Variants in CNTN3 observed in about 807,000 individuals in gnomAD.
CNTN3 encodes the protein contactin-3.
CNTN3 carries 60 observed loss-of-function variants against 119.1 expected under a neutral mutation model. That is an observed-to-expected ratio of 0.50 (90% CI 0.41 to 0.62). CNTN3 has a LOEUF of 0.62. CNTN3 is among the 20% of genes least tolerant of loss of function. CNTN3 has a pLI of 0.00. For synonymous variants in CNTN3, 450 were observed against 438.7 expected, an observed-to-expected ratio of 1.03 and a Z score of -0.32; for missense variants, 1,101 against 1,242.4, an observed-to-expected ratio of 0.89 and a Z score of 1.71.
At chr3:74,299,785 C>G (rs975491019) in intron 17 of CNTN3, 83 bp downstream of exon 17, 4 of 1,093,396 alleles carry the variant, frequency 3.7e-6, no homozygotes, top group Admixed American at 2.0e-5. Context: ...ACCACCTGCA[C>G]CATTGGCACC....
chr3:74,324,544 A>G (rs187943392), intron 13 of CNTN3, among the ~76,000 whole-genome samples: 193 of 152,322 alleles, frequency 1.3e-3, no homozygotes, highest in African/African-American at 2.5e-3. Context: ...TGGTGAAACA[A>G]GATGAAGTTC....
At chr3:74,358,596 G>GATTTATTTATTTATTT (rs71625970) in intron 11 of CNTN3, among the ~76,000 whole-genome samples, 1 of 137,568 alleles carries the variant, frequency 7.3e-6, no homozygotes, top group Non-Finnish European at 1.5e-5. Context: ...TTTTTTTTTT[G>GATTTATTTATTTATTT]ATTTATTTAT....
At chr3:74,588,185 C>T (rs1005586053) in intron 1 of CNTN3, among the ~76,000 whole-genome samples, 12 of 151,908 alleles carry the variant, frequency 7.9e-5, no homozygotes, top group Non-Finnish European at 1.3e-4. Flanking sequence ...TTCGGTTTGC[C>T]AGTATTTTAT....
At chr3:74,456,153 G>A (rs185268083) in intron 4 of CNTN3, among the ~76,000 whole-genome samples, 1 of 151,968 alleles carries the variant, frequency 6.6e-6, no homozygotes, top group Non-Finnish European at 1.5e-5. Context: ...TGGAGACTTA[G>A]GAAATGGGGT....
At chr3:74,434,448 T>C (rs546856638) in intron 4 of CNTN3, among the ~76,000 whole-genome samples, 24 of 152,336 alleles carry the variant, frequency 1.6e-4, no homozygotes, top group South Asian at 6.2e-4. Context: ...ATAAAACACA[T>C]CTTCCAATGA....
intron 13 of CNTN3, among the ~76,000 whole-genome samples, chr3:74,317,164 C>T (rs1046420976): frequency 3.8e-5 from 5 of 131,984 alleles, no homozygotes; most frequent in African/African-American, 1.1e-4. Context: ...GCAACCCCTG[C>T]CTTTTTTTTG....
chr3:74,427,597 A>G (rs1217992669), intron 4 of CNTN3, among the ~76,000 whole-genome samples: 1 of 152,130 alleles, frequency 6.6e-6, no homozygotes, highest in African/African-American at 2.4e-5. Flanking sequence ...TTTAAAAACA[A>G]ACTAAGATGA....
intron 18 of CNTN3, among the ~76,000 whole-genome samples, chr3:74,297,066 T>C (rs1424394924): frequency 1.3e-5 from 2 of 152,174 alleles, no homozygotes; most frequent in Non-Finnish European, 2.9e-5. Context: ...AGTATGTCTG[T>C]ATCTCCACCA....
intron 1 of CNTN3, among the ~76,000 whole-genome samples, chr3:74,567,009 T>A (rs983794422): frequency 3.3e-5 from 5 of 152,104 alleles, no homozygotes; most frequent in African/African-American, 1.2e-4. Context: ...ATTATAGCAG[T>A]CCATAGAAGT....
At chr3:74,564,254 A>G (rs17012622) in intron 1 of CNTN3, among the ~76,000 whole-genome samples, 5,112 of 152,098 alleles carry the variant, frequency 0.034, 135 homozygotes, top group African/African-American at 0.064. Flanking sequence ...GGCCAAGGGA[A>G]CAGTTAATGG....
At chr3:74,610,422 C>T (rs1705062028) in intron 1 of CNTN3, among the ~76,000 whole-genome samples, 1 of 151,668 alleles carries the variant, frequency 6.6e-6, no homozygotes, top group African/African-American at 2.4e-5. Context: ...GGCTACTGGG[C>T]AAAAGAACAG....
chr3:74,464,334 C>G (rs1480613513), intron 4 of CNTN3, among the ~76,000 whole-genome samples: 2 of 152,154 alleles, frequency 1.3e-5, no homozygotes, highest in South Asian at 2.1e-4. Context: ...AATGTATCAT[C>G]TGTTACTCCC....
chr3:74,565,842 T>G lies in CNTN3; in HGVS notation c.-80-44650A>C, dbSNP rs181273686. ...TGGCTGTGTCCCCACCCAAATCTCA[T>G]TTTGACTTGTAGCTCCCACAATTCC... On this transcript the variant is annotated intron_variant, in intron 1 of 22. Transcript: ENST00000263665. Among the ~76,000 whole-genome samples the G allele has an allele frequency of 3.9e-5, 6 of 152,256 alleles. No individual in the cohort carries two copies. In the East Asian group the frequency reaches 1.2e-3, roughly 29 times the overall value.
At chr3:74,446,925 T>C (rs1005530801) in intron 4 of CNTN3, among the ~76,000 whole-genome samples, 3 of 152,170 alleles carry the variant, frequency 2.0e-5, no homozygotes, top group African/African-American at 7.2e-5. Context: ...TCTGTACAAA[T>C]GTTCCATATG....
intron 5 of CNTN3, among the ~76,000 whole-genome samples, chr3:74,395,396 C>T (rs148685346): frequency 1.1e-4 from 16 of 151,880 alleles, no homozygotes; most frequent in Non-Finnish European, 2.1e-4. Context: ...CACACACACA[C>T]GACTGGAAAT....
At chr3:74,439,176 T>C (rs935653721) in intron 4 of CNTN3, among the ~76,000 whole-genome samples, 5 of 152,198 alleles carry the variant, frequency 3.3e-5, no homozygotes, top group Non-Finnish European at 7.3e-5. Context: ...TCAAGTGAAA[T>C]GAAGATTACT....
intron 2 of CNTN3, among the ~76,000 whole-genome samples, chr3:74,503,802 T>G (rs1162850562): frequency 1.3e-5 from 2 of 152,096 alleles, no homozygotes; most frequent in Non-Finnish European, 2.9e-5. Context: ...CATGCTAGCC[T>G]GGTTCCAAAG....
intron 1 of CNTN3, among the ~76,000 whole-genome samples, chr3:74,579,397 G>T (rs544725096): frequency 1.3e-5 from 2 of 150,824 alleles, no homozygotes; most frequent in South Asian, 2.1e-4. Context: ...GACAGAAAAG[G>T]CTTGAAAAAC....
At chr3:74,304,585 T>C (rs549843194) in intron 13 of CNTN3, among the ~76,000 whole-genome samples, 11 of 152,324 alleles carry the variant, frequency 7.2e-5, no homozygotes, top group African/African-American at 2.6e-4. Context: ...CTCACATATC[T>C]GGATACACCT....
Sources: gnomAD v4.1 joint callset for allele counts (sites outside exome capture counted in the v4.1 genomes callset) on GRCh38, gnomAD v4.1.1 for gene constraint, MANE v1.5 for transcripts, NCBI Gene and HGNC (gene_info 2026-07-23, HGNC 2026-07-21) for gene names.